The following MIB1 variants were observed in gnomAD, a reference collection of about 807,000 sequenced individuals.
The protein encoded by MIB1 is MIB E3 ubiquitin protein ligase 1.
Under a neutral mutation model 124.5 loss-of-function variants are expected in MIB1, and 278 were observed. The observed-to-expected ratio is 2.23, with a 90% CI of 2.02 to 2.47. The LOEUF is 2.47. MIB1 is among the 30% of genes most tolerant of loss of function. The pLI is 0.00. For synonymous variants in MIB1, 446 were observed against 429.4 expected (o/e 1.04, Z -0.48); for missense variants, 957 against 1,254.4 (o/e 0.76, Z 3.58).
At chr18:21,806,809 G>C (rs1342730012) in intron 10 of MIB1, among the ~76,000 whole-genome samples, 2 of 151,912 alleles carry the variant, frequency 1.3e-5, no homozygotes, top group Non-Finnish European at 2.9e-5. Flanking sequence ...ATTTTTAGTA[G>C]AAATGGTTTC....
chr18:21,787,219 G>T (rs1434711936), intron 6 of MIB1, among the ~76,000 whole-genome samples: 8 of 152,120 alleles, frequency 5.3e-5, no homozygotes, highest in Admixed American at 5.2e-4. Flanking sequence ...ATCCTGAATT[G>T]GGCGGGAAGG....
At chr18:21,764,671 A>G (rs1216338789) in intron 1 of MIB1, among the ~76,000 whole-genome samples, 1 of 152,188 alleles carries the variant, frequency 6.6e-6, no homozygotes. Context: ...CAGCACGGCT[A>G]ATCTTGTTTT....
chr18:21,816,979 G>C (rs1273362620), intron 11 of MIB1, among the ~76,000 whole-genome samples: 1 of 151,902 alleles, frequency 6.6e-6, no homozygotes, highest in African/African-American at 2.4e-5. Flanking sequence ...TGTTGAGAGT[G>C]GTGGGTAGAG....
intron 12 of MIB1, chr18:21,826,237 T>A: frequency 6.3e-6 from 1 of 158,364 alleles, no homozygotes; most frequent in Admixed American, 6.3e-5. Context: ...AGTCACCCCC[T>A]TCTACTGCCA....
At position 21,776,778 on chromosome 18, in the gene MIB1, G is replaced by A. The variant is rs551468362; in HGVS notation, c.637-1325G>A. 1.6e-4 allele frequency among the ~76,000 whole-genome samples: 25 copies of A among 152,276 alleles called. No individual in the cohort carries two copies. In the East Asian group the frequency reaches 4.1e-3, roughly 25 times the overall value. ...GTGGGCAGGTCACTTGAGGTCAGGC[G>A]TTCGAGACCAGCCTGGCCAGCATGG... On this transcript the variant is annotated intron_variant, in intron 4 of 20. Coordinates refer to ENST00000261537, the MANE Select transcript of MIB1 (RefSeq NM_020774.4).
intron 10 of MIB1, among the ~76,000 whole-genome samples, chr18:21,807,456 A>G (rs2041721502): frequency 6.6e-6 from 1 of 152,216 alleles, no homozygotes. Context: ...GCCCAAGACT[A>G]AAGCAAAAGT....
intron 3 of MIB1, among the ~76,000 whole-genome samples, chr18:21,771,436 G>A (rs564309841): frequency 6.6e-6 from 1 of 152,134 alleles, no homozygotes; most frequent in Non-Finnish European, 1.5e-5. Flanking sequence ...TAAAACAAAT[G>A]AAGTTGAATC....
intron 12 of MIB1, chr18:21,827,725 C>CAGT (rs1377262500): frequency 6.6e-6 from 1 of 151,918 alleles, no homozygotes; most frequent in East Asian, 1.9e-4. Flanking sequence ...AGTAAACATG[C>CAGT]AGTAACACAT....
chr18:21,861,772 A>G (rs187761763), intron 20 of MIB1, among the ~76,000 whole-genome samples: 9 of 152,312 alleles, frequency 5.9e-5, no homozygotes, highest in African/African-American at 2.2e-4. Flanking sequence ...TATTAAGGAT[A>G]TACTAATCTC....
chr18:21,857,590 TCAGTTTACTGAAAGTA>T (rs2042240607), intron 19 of MIB1, among the ~76,000 whole-genome samples: 1 of 152,264 alleles, frequency 6.6e-6, no homozygotes, highest in East Asian at 1.9e-4. Flanking sequence ...AATTTATTTT[TCAGTTTACTGAAAGTA>T]TTAACCTGCT....
chr18:21,791,088 C>T (rs574291466), intron 6 of MIB1, among the ~76,000 whole-genome samples: 101 of 151,586 alleles, frequency 6.7e-4, no homozygotes, highest in Non-Finnish European at 1.3e-3. Flanking sequence ...CCTGTAATCC[C>T]AGCTACTTGG....
At chr18:21,754,361 A>T (rs1003704943) in intron 1 of MIB1, among the ~76,000 whole-genome samples, 1 of 152,200 alleles carries the variant, frequency 6.6e-6, no homozygotes, top group Non-Finnish European at 1.5e-5. Flanking sequence ...ATACATTTTA[A>T]ATTGCATACT....
chr18:21,817,260 C>A (rs1207730448), intron 11 of MIB1, among the ~76,000 whole-genome samples: 1 of 150,566 alleles, frequency 6.6e-6, no homozygotes, highest in East Asian at 2.0e-4. Flanking sequence ...CTTCAGGGCC[C>A]ACCTCAGCCT....
chr18:21,758,940 A>T (rs1051259867), intron 1 of MIB1, among the ~76,000 whole-genome samples: 4 of 152,178 alleles, frequency 2.6e-5, no homozygotes, highest in African/African-American at 9.6e-5. Context: ...TTTTTAAAAA[A>T]GTTTTAAAAT....
chr18:21,724,615 G>A (rs1181428647), intron 1 of MIB1, among the ~76,000 whole-genome samples: 1 of 148,700 alleles, frequency 6.7e-6, no homozygotes, highest in Non-Finnish European at 1.5e-5. Context: ...TGAGGCACAA[G>A]AATTGCTTGA....
At chr18:21,830,467 C>T (rs1159606904) in intron 12 of MIB1, among the ~76,000 whole-genome samples, 2 of 152,072 alleles carry the variant, frequency 1.3e-5, no homozygotes. Context: ...TTCCTTTTTA[C>T]ACTACATTAG....
chr18:21,767,936 G>C (rs530668110), intron 2 of MIB1, among the ~76,000 whole-genome samples: 49 of 152,168 alleles, frequency 3.2e-4, no homozygotes, highest in African/African-American at 1.1e-3. Flanking sequence ...CACTGCCCCC[G>C]CCAATACAGA....
intron 8 of MIB1, 102 bp downstream of exon 8, chr18:21,798,330 G>A (rs757858355): frequency 2.5e-6 from 3 of 1,179,916 alleles, no homozygotes; most frequent in Non-Finnish European, 3.6e-6. Context: ...CATGTGCTTG[G>A]CTTTGTCCCA....
chr18:21,730,729 A>T (rs1439500394), intron 1 of MIB1, among the ~76,000 whole-genome samples: 1 of 152,234 alleles, frequency 6.6e-6, no homozygotes, highest in African/African-American at 2.4e-5. Context: ...TCTCTGACTT[A>T]AATCTCATTC....
Sources: allele counts gnomAD v4.1 joint callset (sites outside exome capture counted in the v4.1 genomes callset), GRCh38; gene constraint gnomAD v4.1.1; transcripts MANE v1.5; gene names NCBI Gene and HGNC (gene_info 2026-07-23, HGNC 2026-07-21).